The following ADRA1A variants were observed in gnomAD, a reference collection of about 807,000 sequenced individuals.
ADRA1A encodes alpha-1A adrenergic receptor.
Under a neutral mutation model 29.6 loss-of-function variants are expected in ADRA1A, and 31 were observed. The observed-to-expected ratio is 1.05, with a 90% CI of 0.79 to 1.41. The LOEUF is 1.41. Ranked by LOEUF, ADRA1A falls within the 40% of genes most tolerant of loss-of-function variation. ADRA1A has a pLI of 0.00. For synonymous variants in ADRA1A, 311 were observed against 254.3 expected, an observed-to-expected ratio of 1.22 and a Z score of -2.12; for missense variants, 619 against 601.1, an observed-to-expected ratio of 1.03 and a Z score of -0.31.
chr8:26,767,425 CTT>C (rs1238332674), downstream of ADRA1A, among the ~76,000 whole-genome samples: 1 of 152,144 alleles, frequency 6.6e-6, no homozygotes, highest in Non-Finnish European at 1.5e-5. Context: ...CTTTACCCCA[CTT>C]TGACTAAGTT....
intron 2 of ADRA1A, among the ~76,000 whole-genome samples, chr8:26,861,853 C>T (rs757876497): frequency 5.3e-5 from 8 of 152,196 alleles, no homozygotes; most frequent in Non-Finnish European, 1.2e-4. Context: ...CTTACCACCT[C>T]TACCTGTCTC....
rs1178442517 is a variant in ADRA1A, at chr8:26,865,998, G to C, written c.-686-343C>G. ...ATTAAAATCCTCGAAGCCCCGGAGG[G>C]GCGACTGCGGCTGGCGAGTGTGTCG... On this transcript the variant is annotated intron_variant, in intron 1 of 2. Transcript: ENST00000380573. This position sits in a 1 kb window ranked among gnomAD's most constrained non-coding sequence, Gnocchi z 7.6. 6.6e-6 allele frequency among the ~76,000 whole-genome samples: 1 copy of C among 152,346 alleles called. No homozygotes were observed. The highest frequency in any genetic ancestry group is 2.1e-4 in the South Asian group (1 of 4,832).
chr8:26,824,180 AG>A (rs1489686920), intron 2 of ADRA1A, among the ~76,000 whole-genome samples: 1 of 152,192 alleles, frequency 6.6e-6, no homozygotes, highest in African/African-American at 2.4e-5. Context: ...CTGTTCAGAA[AG>A]AAAGGCACTT....
At chr8:26,783,162 G>C (rs1053255269) in intron 2 of ADRA1A, among the ~76,000 whole-genome samples, 3 of 152,144 alleles carry the variant, frequency 2.0e-5, no homozygotes, top group Non-Finnish European at 4.4e-5. Flanking sequence ...CCTCCCTTGA[G>C]TAAGTCATTT....
At chr8:26,798,342 G>C (rs1218070959) in intron 2 of ADRA1A, among the ~76,000 whole-genome samples, 1 of 152,124 alleles carries the variant, frequency 6.6e-6, no homozygotes, top group South Asian at 2.1e-4. Flanking sequence ...AGATGGGCGA[G>C]ATTCTAAATC....
At position 26,756,594 on chromosome 8, in the gene ADRA1A, C is replaced by A. The variant is rs765610698; in HGVS notation, c.*165G>T. ...GTAACAGTAACATGTTGGATTTGTG[C>A]CTTAGTCAGATGGATGCTTGATAAA... On this transcript the variant is annotated 3_prime_UTR_variant, in exon 3 of 3. Coordinates refer to the ADRA1A transcript ENST00000380582. The A allele has an allele frequency of 2.6e-6, 4 of 1,554,436 alleles. No homozygotes were observed. The Admixed American group carries it at 7.8e-5, about 30-fold the overall frequency.
At chr8:26,861,923 T>G (rs920482278) in intron 2 of ADRA1A, among the ~76,000 whole-genome samples, 5 of 152,158 alleles carry the variant, frequency 3.3e-5, no homozygotes, top group Admixed American at 3.3e-4. Context: ...TTTTAACTAG[T>G]CTCTGCTTCT....
chr8:26,845,161 C>T (rs1585819267), intron 2 of ADRA1A, among the ~76,000 whole-genome samples: 1 of 152,010 alleles, frequency 6.6e-6, no homozygotes, highest in South Asian at 2.1e-4. Context: ...GGGCAACCCA[C>T]GAATGAAAAT....
chr8:26,823,946 T>C lies in ADRA1A; in HGVS notation c.883+40141A>G, dbSNP rs1188844458. Among the ~76,000 whole-genome samples the C allele has an allele frequency of 6.6e-6, 1 of 152,160 alleles. No individual in the cohort carries two copies. The highest frequency in any genetic ancestry group is 2.4e-5 in the African/African-American group (1 of 41,442). On this transcript the variant is annotated intron_variant, in intron 2 of 2. Transcript: ENST00000380573. This position sits in a 1 kb window ranked among gnomAD's most constrained non-coding sequence, Gnocchi z 4.2. ...TCCACGCTATGTTACTCTGGGCTCATTTAGAAGAAAGTATTGCCCTGGGCT... is the reference window on the plus strand; with the variant it reads ...TCCACGCTATGTTACTCTGGGCTCACTTAGAAGAAAGTATTGCCCTGGGCT...
At chr8:26,817,144 A>G (rs117183530) in intron 2 of ADRA1A, among the ~76,000 whole-genome samples, 177 of 152,360 alleles carry the variant, frequency 1.2e-3, no homozygotes, top group Admixed American at 2.5e-3. Flanking sequence ...TATCTGATAA[A>G]TGACTTGTAT....
chr8:26,760,799 CTG>C (rs1433019800), intron 2 of ADRA1A, among the ~76,000 whole-genome samples: 1 of 152,210 alleles, frequency 6.6e-6, no homozygotes, highest in African/African-American at 2.4e-5. Flanking sequence ...CTCGAGATGG[CTG>C]TGATTCCCCA....
At position 26,865,441 on chromosome 8, in the gene ADRA1A, G is replaced by C. The variant is rs1392922826; in HGVS notation, c.-472C>G. ...CGCCAGTCTCTCCCTCAAACCAAAA[G>C]ATCAGCCGTCGACGCTCAAAGGCAG... On this transcript the variant is annotated 5_prime_UTR_variant, in exon 2 of 3. In the 5' UTR this introduces an upstream ATG that the reference lacks. Coordinates refer to ENST00000380573, the MANE Select transcript of ADRA1A (RefSeq NM_000680.4). The surrounding 1 kb of genome is among the most constrained non-coding windows in gnomAD (Gnocchi z 7.6). 1 of 1,001,900 alleles carries C rather than the reference G, an allele frequency of 1.0e-6. No homozygotes were observed. Among genetic ancestry groups the C allele is most frequent in the Non-Finnish European group, 1.2e-6 (1 of 839,822 alleles). The allele number at this position is 1,001,900 out of a possible 1,614,324, so 62.1% of individuals were successfully genotyped here. A position where few individuals can be genotyped will look rare whatever the true frequency, so the allele number is the denominator to read the frequency against.
rs150099982 is a variant in ADRA1A at position 26,852,249 on chromosome 8, C to T, written c.883+11838G>A. On this transcript the variant is annotated intron_variant, in intron 2 of 2. Coordinates refer to ENST00000380573, the MANE Select transcript of ADRA1A (RefSeq NM_000680.4). Reference sequence around the variant, plus strand: ...ACATAAGGGAAGAAACTAAACTTTGCGTAGAAGCAAATGTACAGCTTGGAT... The same window carrying T: ...ACATAAGGGAAGAAACTAAACTTTGTGTAGAAGCAAATGTACAGCTTGGAT... Among the ~76,000 whole-genome samples the T allele has an allele frequency of 2.0e-5, 3 of 152,150 alleles. No individual in the cohort carries two copies. In the East Asian group the frequency reaches 5.8e-4, roughly 29 times the overall value.
At chr8:26,837,342 G>T (rs1200182369) in intron 2 of ADRA1A, among the ~76,000 whole-genome samples, 1 of 152,088 alleles carries the variant, frequency 6.6e-6, no homozygotes, top group African/African-American at 2.4e-5. Context: ...GTCAAATTAA[G>T]AGTCCTATTA....
chr8:26,806,400 C>T lies in ADRA1A; in HGVS notation c.884-35734G>A, dbSNP rs945360737. ...AGCCCTTTATCCTGTTAATAGTGGC[C>T]TTAGGTAAGGAAAAAAAAAGAGCAT... On this transcript the variant is annotated intron_variant, in intron 2 of 2. Transcript: ENST00000380573. This position sits in a 1 kb window ranked among gnomAD's most constrained non-coding sequence, Gnocchi z 4.6. Among the ~76,000 whole-genome samples the T allele has an allele frequency of 6.6e-6, 1 of 151,528 alleles. No homozygotes were observed. The highest frequency in any genetic ancestry group is 6.6e-5 in the Admixed American group (1 of 15,218).
At chr8:26,800,871 A>T (rs1248311989) in intron 2 of ADRA1A, among the ~76,000 whole-genome samples, 2 of 152,110 alleles carry the variant, frequency 1.3e-5, no homozygotes, top group Non-Finnish European at 2.9e-5. Flanking sequence ...TGATGCAAAA[A>T]CCCTCAGCAA....
At chr8:26,845,789 T>G (rs1468218339) in intron 2 of ADRA1A, among the ~76,000 whole-genome samples, 1 of 152,176 alleles carries the variant, frequency 6.6e-6, no homozygotes, top group Non-Finnish European at 1.5e-5. Flanking sequence ...TACCATAACA[T>G]GGATGAAGCT....
At chr8:26,756,712 C>T in exon 3 of ADRA1A, 7 of 1,614,036 alleles carry the variant, frequency 4.3e-6, no homozygotes, top group Non-Finnish European at 5.9e-6. Flanking sequence ...TTTCATGCTC[C>T]CCTTCCTTGG....
intron 2 of ADRA1A, among the ~76,000 whole-genome samples, chr8:26,807,297 G>C (rs1388644599): frequency 6.6e-6 from 1 of 152,142 alleles, no homozygotes; most frequent in Non-Finnish European, 1.5e-5. Flanking sequence ...TGCTTCTTTT[G>C]ATAATTAAAT....
Sources: gnomAD v4.1 joint callset for allele counts (sites outside exome capture counted in the v4.1 genomes callset) on GRCh38, gnomAD v4.1.1 for gene constraint, Gnocchi (gnomAD v3.1) non-coding constraint, MANE v1.5 for transcripts, NCBI Gene and HGNC (gene_info 2026-07-23, HGNC 2026-07-21) for gene names.